The following ARHGEF10L variants were observed in gnomAD, a reference collection of about 807,000 sequenced individuals.
ARHGEF10L encodes the protein Rho guanine nucleotide exchange factor 10 like.
Under a neutral mutation model 141.2 loss-of-function variants are expected in ARHGEF10L, and 69 were observed. The observed-to-expected ratio is 0.49, with a 90% CI of 0.40 to 0.60. The LOEUF (loss-of-function observed/expected upper bound fraction) is 0.60. Among genes scored for constraint, ARHGEF10L ranks in the 20% least tolerant of loss-of-function variants. The pLI, the probability that ARHGEF10L is intolerant of heterozygous loss-of-function variation, is 0.00. For synonymous variants in ARHGEF10L, 711 were observed against 718.5 expected, an observed-to-expected ratio of 0.99 and a Z score of 0.17; for missense variants, 1,482 against 1,734.3, an observed-to-expected ratio of 0.85 and a Z score of 2.58.
At chr1:17,677,143 G>A (rs1205304399) in intron 26 of ARHGEF10L, among the ~76,000 whole-genome samples, 1 of 152,148 alleles carries the variant, frequency 6.6e-6, no homozygotes, top group Non-Finnish European at 1.5e-5. Context: ...CAGGGCATAG[G>A]AAATCCCTTT....
intron 25 of ARHGEF10L, among the ~76,000 whole-genome samples, chr1:17,663,477 C>T (rs534745434): frequency 3.1e-4 from 46 of 150,258 alleles, no homozygotes; most frequent in Middle Eastern, 3.4e-3. Context: ...CGCTGGAACC[C>T]GGGGAGGCAG....
intron 26 of ARHGEF10L, among the ~76,000 whole-genome samples, chr1:17,676,944 C>G (rs1279515641): frequency 6.6e-6 from 1 of 151,906 alleles, no homozygotes; most frequent in Non-Finnish European, 1.5e-5. Flanking sequence ...CTCCTCTGGG[C>G]TCCCTTAGTC....
intron 3 of ARHGEF10L, among the ~76,000 whole-genome samples, 166 bp from the exon 4 acceptor site, chr1:17,588,280 T>C (rs2079197238): frequency 2.1e-5 from 2 of 97,300 alleles, no homozygotes; most frequent in South Asian, 6.5e-4. Context: ...GGGGAGCTGA[T>C]GACTGAGCCA....
intron 26 of ARHGEF10L, among the ~76,000 whole-genome samples, chr1:17,683,890 T>G (rs1359948066): frequency 6.6e-6 from 1 of 152,230 alleles, no homozygotes. Context: ...GTCCCAGGCC[T>G]CTGGGTTTCA....
intron 19 of ARHGEF10L, among the ~76,000 whole-genome samples, 173 bp from the exon 20 acceptor site, chr1:17,638,389 C>G (rs2061140502): frequency 6.6e-6 from 1 of 152,186 alleles, no homozygotes; most frequent in Non-Finnish European, 1.5e-5. Context: ...GCTGGGAAGC[C>G]TGGGGCATGG....
chr1:17,665,358 T>A (rs1438967874), intron 26 of ARHGEF10L, among the ~76,000 whole-genome samples: 2 of 152,138 alleles, frequency 1.3e-5, no homozygotes, highest in Non-Finnish European at 1.5e-5. Context: ...GCAGAGACAC[T>A]AAGTGGAGTC....
At chr1:17,694,715 A>T in intron 27 of ARHGEF10L, 1 of 348,204 alleles carries the variant, frequency 2.9e-6, no homozygotes, top group Non-Finnish European at 5.7e-6. Context: ...GGCCCTACTT[A>T]TGCCTTCCAT....
chr1:17,525,308 TA>T, the ARHGEF10L span, among the ~76,000 whole-genome samples: 3 of 152,224 alleles, frequency 2.0e-5, no homozygotes, highest in East Asian at 5.8e-4. Context: ...GCATCCGTTC[TA>T]TCTGATAAAA....
chr1:17,637,703 A>G lies in ARHGEF10L; in HGVS notation c.1928-185A>G, dbSNP rs1488514371. 1.1e-4 allele frequency among the ~76,000 whole-genome samples: 16 copies of G among 152,038 alleles called. No homozygotes were observed. In the East Asian group the frequency reaches 3.1e-3, roughly 30 times the overall value. ...TATTTTTTAGTACAGACGGGGTTTC[A>G]CCGTATTAGCCAGGATGGTCTCGAT... is the stretch of plus-strand genomic sequence containing the variant. On this transcript the variant is annotated intron_variant, in intron 18 of 28. Transcript: ENST00000361221.
chr1:17,652,224 G>T (rs1300660894), intron 22 of ARHGEF10L, among the ~76,000 whole-genome samples: 1 of 152,192 alleles, frequency 6.6e-6, no homozygotes, highest in Non-Finnish European at 1.5e-5. Flanking sequence ...TTCCTTCAAG[G>T]GATCAGGGGT....
intron 22 of ARHGEF10L, among the ~76,000 whole-genome samples, chr1:17,649,319 G>A (rs534543710): frequency 2.4e-3 from 363 of 152,226 alleles, no homozygotes; most frequent in Non-Finnish European, 3.7e-3. Context: ...CAGCCTTCAC[G>A]GGTTACCTGC....
At chr1:17,688,317 C>G (rs569022491) in intron 27 of ARHGEF10L, among the ~76,000 whole-genome samples, 1 of 152,098 alleles carries the variant, frequency 6.6e-6, no homozygotes, top group Non-Finnish European at 1.5e-5. Context: ...GGAATGGCGG[C>G]GAAGGATTAA....
intron 1 of ARHGEF10L, among the ~76,000 whole-genome samples, chr1:17,564,410 C>T (rs912890655): frequency 1.3e-5 from 2 of 152,164 alleles, no homozygotes; most frequent in Admixed American, 1.3e-4. Context: ...TGATCTGAGT[C>T]CCCCAAGTTC....
rs746226395 is a variant in ARHGEF10L at position 17,634,507 on chromosome 1, T to C, written c.1731-41T>C. On this transcript the variant is annotated intron_variant, in intron 16 of 28. Transcript: ENST00000361221. ...ACAGCCCCCAGATTAGCCACTCCAT[T>C]GTAATAACAATCTCCCTTTCCTTCT... 2.2e-5 allele frequency: 35 copies of C among 1,614,122 alleles called. No homozygotes were observed. The African/African-American group carries it at 3.7e-4, about 17-fold the overall frequency.
intron 26 of ARHGEF10L, among the ~76,000 whole-genome samples, chr1:17,683,685 T>TC (rs2064332773): frequency 6.6e-6 from 1 of 152,096 alleles, no homozygotes; most frequent in Admixed American, 6.5e-5. Flanking sequence ...TCCTGCCCTT[T>TC]CCCCCGCCGG....
chr1:17,580,698 G>T, intron 2 of ARHGEF10L, 66 bp downstream of exon 2: 1 of 1,599,822 alleles, frequency 6.3e-7, no homozygotes, highest in East Asian at 2.3e-5. Context: ...GGGGCCGGCG[G>T]AGGGCCTTGC....
At chr1:17,618,259 C>T in intron 9 of ARHGEF10L, 1 of 1,329,260 alleles carries the variant, frequency 7.5e-7, no homozygotes, top group Non-Finnish European at 1.0e-6. Flanking sequence ...CTCAGCCCTC[C>T]CCACCCCGCC....
chr1:17,682,656 G>A, intron 26 of ARHGEF10L, among the ~76,000 whole-genome samples: 1 of 152,158 alleles, frequency 6.6e-6, no homozygotes, highest in African/African-American at 2.4e-5. Context: ...GGTTTCTGGT[G>A]CAGGGTGAGC....
At chr1:17,534,419 G>C in the ARHGEF10L span, among the ~76,000 whole-genome samples, 5 of 151,998 alleles carry the variant, frequency 3.3e-5, no homozygotes, top group Non-Finnish European at 7.4e-5. Flanking sequence ...CACCGTGCTT[G>C]GCTGCTAATT....
Sources: allele counts gnomAD v4.1 joint callset (sites outside exome capture counted in the v4.1 genomes callset), GRCh38; gene constraint gnomAD v4.1.1; transcripts MANE v1.5; gene names NCBI Gene and HGNC (gene_info 2026-07-23, HGNC 2026-07-21).